The following ATCAY variants were observed in gnomAD, a reference collection of about 807,000 sequenced individuals.
The protein encoded by ATCAY is caytaxin.
In ATCAY, 22 loss-of-function variants were observed where a neutral mutation model predicts 47.7. The ratio of observed to expected loss-of-function variants is 0.46; its 90% confidence interval spans 0.33 to 0.66. The LOEUF is 0.66. Ranked by LOEUF, ATCAY falls within the 30% of genes least tolerant of loss-of-function variation. The pLI, the probability that ATCAY is intolerant of heterozygous loss-of-function variation, is 0.02. For missense variants in ATCAY, 452 were observed against 515.0 expected, an observed-to-expected ratio of 0.88 and a Z score of 1.18; for synonymous variants, 216 against 207.6, an observed-to-expected ratio of 1.04 and a Z score of -0.35.
rs987983799 is a variant in ATCAY at position 3,907,030 on chromosome 19, A to T, written c.359-704A>T. 4.0e-5 allele frequency among the ~76,000 whole-genome samples: 6 copies of T among 151,380 alleles called. No homozygotes were observed. The highest frequency in any genetic ancestry group is 1.5e-4 in the African/African-American group (6 of 41,164). On this transcript the variant is annotated intron_variant, in intron 4 of 12. Transcript: ENST00000450849. This position sits in a 1 kb window ranked among gnomAD's most constrained non-coding sequence, Gnocchi z 5.1. ...GCGTGCGTAGTCCCAGCTACTCGGGAGGCTGAGGCAGGAGAATCGCTTGAA... is the reference window on the plus strand; with the variant it reads ...GCGTGCGTAGTCCCAGCTACTCGGGTGGCTGAGGCAGGAGAATCGCTTGAA...
At chr19:3,902,303 T>C (rs1376362916) in intron 2 of ATCAY, among the ~76,000 whole-genome samples, 184 bp from the exon 3 acceptor site, 1 of 152,176 alleles carries the variant, frequency 6.6e-6, no homozygotes, top group African/African-American at 2.4e-5. Context: ...GCCTGGGCGA[T>C]ACAGTGAGGC....
Position 3,881,521 on chromosome 19 carries a change from A to G in ATCAY, c.-42+513A>G, listed in dbSNP as rs146725481. The stretch of plus-strand genomic sequence containing the variant: ...GTATGTGATTTGTTAATAATCAGAC[A>G]TCAGGGCTCAAATGAGCGCTTCACT... On this transcript the variant is annotated intron_variant, in intron 1 of 12. Coordinates refer to ENST00000450849, the MANE Select transcript of ATCAY (RefSeq NM_033064.5). Among the ~76,000 whole-genome samples, 15 of 152,172 alleles carry G rather than the reference A, an allele frequency of 9.9e-5. No homozygotes were observed. In the East Asian group the frequency reaches 2.7e-3, roughly 27 times the overall value.
At chr19:3,912,645 C>T (rs1228483236) in intron 8 of ATCAY, among the ~76,000 whole-genome samples, 4 of 149,748 alleles carry the variant, frequency 2.7e-5, no homozygotes, top group Non-Finnish European at 3.0e-5. Context: ...TTTGGGAGAC[C>T]GAGGCAGGAG....
chr19:3,920,948 C>T (rs2039012706), intron 12 of ATCAY, 150 bp downstream of exon 12: 1 of 929,344 alleles, frequency 1.1e-6, no homozygotes, highest in African/African-American at 1.7e-5. Flanking sequence ...AAAACTGCCC[C>T]ATGACTTATC....
intron 12 of ATCAY, chr19:3,922,219 C>T (rs537763234): frequency 1.6e-5 from 11 of 701,428 alleles, no homozygotes; most frequent in Non-Finnish European, 2.1e-5. Flanking sequence ...CCCTAAGTCA[C>T]GTTGTGAGTG....
intron 12 of ATCAY, among the ~76,000 whole-genome samples, chr19:3,921,901 A>C (rs545979714): frequency 5.9e-5 from 9 of 151,984 alleles, no homozygotes; most frequent in African/African-American, 1.9e-4. Context: ...TGTTTAAAAA[A>C]AAAAAAACAA....
At chr19:3,910,030 A>G (rs890328652) in intron 7 of ATCAY, among the ~76,000 whole-genome samples, 2 of 152,088 alleles carry the variant, frequency 1.3e-5, no homozygotes, top group African/African-American at 4.8e-5. Flanking sequence ...TGGAGGTTGC[A>G]GTGAGCCGAG....
chr19:3,899,886 G>A (rs1017737849), intron 2 of ATCAY, among the ~76,000 whole-genome samples: 5 of 152,140 alleles, frequency 3.3e-5, no homozygotes, highest in African/African-American at 9.6e-5. Context: ...GAAGTGATCT[G>A]GGGCCGGGTG....
intron 10 of ATCAY, 98 bp downstream of exon 10, chr19:3,917,875 G>A: frequency 7.1e-7 from 1 of 1,400,692 alleles, no homozygotes; most frequent in Non-Finnish European, 9.7e-7. Flanking sequence ...GGGCAGCAGG[G>A]ACCATTGTCC....
At chr19:3,889,286 G>A (rs899288902) in intron 2 of ATCAY, among the ~76,000 whole-genome samples, 28 of 152,290 alleles carry the variant, frequency 1.8e-4, no homozygotes, top group African/African-American at 6.5e-4. Context: ...GGTGGCCCAT[G>A]CCTGTAATAC....
intron 2 of ATCAY, among the ~76,000 whole-genome samples, chr19:3,890,151 C>T (rs1012469023): frequency 3.3e-5 from 5 of 150,642 alleles, no homozygotes; most frequent in Non-Finnish European, 7.4e-5. Flanking sequence ...ACCGTGTTGG[C>T]CAGGCTGGTC....
intron 2 of ATCAY, among the ~76,000 whole-genome samples, chr19:3,902,055 G>A (rs570290383): frequency 4.6e-5 from 7 of 152,156 alleles, no homozygotes; most frequent in African/African-American, 2.4e-5. Flanking sequence ...GCTCACGCCC[G>A]TAATCCCAAC....
rs1297128643 is a variant in ATCAY at position 3,907,709 on chromosome 19, G to A, written c.359-25G>A. 2 of 1,613,018 alleles carry A rather than the reference G, an allele frequency of 1.2e-6. No individual in the cohort carries two copies. Among genetic ancestry groups the A allele is most frequent in the Non-Finnish European group, 1.7e-6 (2 of 1,179,616 alleles). On this transcript the variant is annotated intron_variant, in intron 4 of 12. Coordinates refer to ENST00000450849, the MANE Select transcript of ATCAY (RefSeq NM_033064.5). This position sits in a 1 kb window ranked among gnomAD's most constrained non-coding sequence, Gnocchi z 5.1. Reference sequence around the variant, plus strand: ...GAGATATCCGGACTCTGGCGTCCATGCGACTCTCCGCCACCTGCTTCTAGA... The same window carrying A: ...GAGATATCCGGACTCTGGCGTCCATACGACTCTCCGCCACCTGCTTCTAGA...
At chr19:3,916,885 A>G (rs775562803) in intron 9 of ATCAY, among the ~76,000 whole-genome samples, 37 of 150,276 alleles carry the variant, frequency 2.5e-4, no homozygotes, top group Admixed American at 6.6e-4. Context: ...TCGGCTCACC[A>G]TATCCTCCAG....
chr19:3,914,002 T>C (rs1011949165), intron 9 of ATCAY, 146 bp downstream of exon 9: 33 of 642,370 alleles, frequency 5.1e-5, no homozygotes, highest in Middle Eastern at 8.5e-4. Context: ...TTTGGGAGGC[T>C]GAGGCGGGCG....
intron 1 of ATCAY, among the ~76,000 whole-genome samples, chr19:3,883,405 A>T (rs1020474409): frequency 1.3e-5 from 2 of 152,194 alleles, no homozygotes; most frequent in Admixed American, 6.5e-5. Flanking sequence ...AGACAGACAG[A>T]GGTAATGGAA....
rs1339063093 is a variant in ATCAY, at chr19:3,909,626, G to C, written c.779+9G>C. On this transcript the variant is annotated intron_variant, in intron 7 of 12. Transcript: ENST00000450849. ...CAGATGATCGACCGGAGGTGAGGTG[G>C]GGATGCCTCAGGAAGCACAGTGGGG... 1 of 1,574,770 alleles carries C rather than the reference G, an allele frequency of 6.4e-7. No homozygotes were observed. Among genetic ancestry groups the C allele is most frequent in the South Asian group, 1.2e-5 (1 of 86,748 alleles).
chr19:3,921,478 G>C (rs1305930581), intron 12 of ATCAY, among the ~76,000 whole-genome samples: 2 of 152,094 alleles, frequency 1.3e-5, no homozygotes, highest in South Asian at 4.1e-4. Flanking sequence ...CCTGTGTGTT[G>C]ATGTCCAAGG....
intron 2 of ATCAY, among the ~76,000 whole-genome samples, chr19:3,898,161 G>A (rs986201956): frequency 6.6e-6 from 1 of 151,810 alleles, no homozygotes; most frequent in Admixed American, 6.6e-5. Context: ...GAGAATTTAC[G>A]TGTTCTAAAC....
Sources: allele counts gnomAD v4.1 joint callset (sites outside exome capture counted in the v4.1 genomes callset), GRCh38; gene constraint gnomAD v4.1.1; non-coding constraint Gnocchi (gnomAD v3.1); transcripts MANE v1.5; gene names NCBI Gene and HGNC (gene_info 2026-07-23, HGNC 2026-07-21).